The following CDC73 variants were observed in gnomAD, a reference collection of about 807,000 sequenced individuals.
CDC73 encodes parafibromin.
CDC73 carries 21 observed loss-of-function variants against 83.7 expected under a neutral mutation model. The observed-to-expected ratio is 0.25, with a 90% CI of 0.18 to 0.36. CDC73 has a LOEUF of 0.36. Among genes scored for constraint, CDC73 ranks in the 10% least tolerant of loss-of-function variants. The pLI is 1.00. For synonymous variants in CDC73, 224 were observed against 212.9 expected (o/e 1.05, Z -0.45); for missense variants, 342 against 653.3 (o/e 0.52, Z 5.19).
In CDC73 at chr1:193,253,424, G is replaced by A; in HGVS notation, c.*2712G>A. 1 of 232,326 alleles carries A rather than the reference G, an allele frequency of 4.3e-6. No individual in the cohort carries two copies. Among genetic ancestry groups the A allele is most frequent in the Non-Finnish European group, 8.5e-6 (1 of 117,544 alleles). The allele number at this position is 232,326 out of a possible 1,614,324, so 14.4% of individuals were successfully genotyped here. On this transcript the variant is annotated 3_prime_UTR_variant, in exon 17 of 17. Transcript: ENST00000367435. ...TTTTTGATTTTTTGTTGTTGTTGTT[G>A]TTTTGTGGCCACCCTTTGCACTAGA...
At chr1:193,179,162 G>A (rs903178686) in intron 10 of CDC73, 2 of 152,036 alleles carry the variant, frequency 1.3e-5, no homozygotes, top group Non-Finnish European at 2.9e-5. Context: ...TCCCAAAAAG[G>A]TTTTTAATTG....
At chr1:193,185,354 C>G (rs977096735) in intron 10 of CDC73, among the ~76,000 whole-genome samples, 11 of 151,942 alleles carry the variant, frequency 7.2e-5, no homozygotes, top group Non-Finnish European at 1.0e-4. Flanking sequence ...TAACACGAGG[C>G]TCTATTGTGG....
chr1:193,204,909 A>G (rs1026397629), intron 11 of CDC73, among the ~76,000 whole-genome samples: 2 of 152,202 alleles, frequency 1.3e-5, no homozygotes, highest in African/African-American at 2.4e-5. Flanking sequence ...TATAATTTTA[A>G]TAGAATCATA....
chr1:193,232,093 C>T (rs1396960912), intron 13 of CDC73, among the ~76,000 whole-genome samples: 1 of 152,050 alleles, frequency 6.6e-6, no homozygotes. Context: ...GAGAATGGAT[C>T]CACATAAGTA....
At chr1:193,155,803 T>G (rs555281564) in intron 10 of CDC73, among the ~76,000 whole-genome samples, 1 of 152,134 alleles carries the variant, frequency 6.6e-6, no homozygotes, top group South Asian at 2.1e-4. Flanking sequence ...CCCCACTAGA[T>G]TAAACAGATT....
chr1:193,192,114 T>C (rs751797396), intron 10 of CDC73, among the ~76,000 whole-genome samples: 2 of 152,206 alleles, frequency 1.3e-5, no homozygotes, highest in African/African-American at 4.8e-5. Flanking sequence ...TCAGAAAGTA[T>C]TTATTTTAAT....
At chr1:193,125,392 G>A (rs1055532827) in intron 2 of CDC73, among the ~76,000 whole-genome samples, 175 bp downstream of exon 2, 1 of 152,206 alleles carries the variant, frequency 6.6e-6, no homozygotes, top group East Asian at 1.9e-4. Context: ...CAAGTAGCCA[G>A]GACTGCAGGC....
intron 13 of CDC73, among the ~76,000 whole-genome samples, chr1:193,221,965 G>A (rs1234563676): frequency 4.6e-5 from 7 of 151,892 alleles, no homozygotes; most frequent in Admixed American, 1.3e-4. Flanking sequence ...CTTGCAAATA[G>A]CATAGATTCT....
At chr1:193,130,272 T>G (rs1232052394) in intron 3 of CDC73, 29 bp downstream of exon 3, 1 of 1,265,176 alleles carries the variant, frequency 7.9e-7, no homozygotes. Context: ...GTTCCCAGTC[T>G]TAAACAGACA....
chr1:193,238,482 G>C (rs1381344370), intron 15 of CDC73, among the ~76,000 whole-genome samples: 1 of 152,122 alleles, frequency 6.6e-6, no homozygotes, highest in Non-Finnish European at 1.5e-5. Flanking sequence ...TGATTCTGTT[G>C]ACTCCTTTAC....
chr1:193,132,732 G>A (rs1197561370), intron 3 of CDC73, among the ~76,000 whole-genome samples: 2 of 151,556 alleles, frequency 1.3e-5, no homozygotes, highest in African/African-American at 4.9e-5. Context: ...TTTGTTTTTG[G>A]CTTCAGAAGA....
At chr1:193,122,410 C>T (rs776626848) in intron 1 of CDC73, 79 bp downstream of exon 1, 10 of 1,572,288 alleles carry the variant, frequency 6.4e-6, no homozygotes, top group Non-Finnish European at 7.9e-6. Flanking sequence ...TTAACCCCTC[C>T]CCCCGTTTCC....
intron 13 of CDC73, among the ~76,000 whole-genome samples, chr1:193,231,149 ATATGAT>A (rs1677656262): frequency 6.6e-6 from 1 of 152,204 alleles, no homozygotes; most frequent in Non-Finnish European, 1.5e-5. Flanking sequence ...CATTCTAGTC[ATATGAT>A]TATAAGTAAT....
At chr1:193,241,668 G>A (rs887196148) in intron 15 of CDC73, among the ~76,000 whole-genome samples, 2 of 152,212 alleles carry the variant, frequency 1.3e-5, no homozygotes, top group African/African-American at 4.8e-5. Context: ...AACAGTTGTG[G>A]TGGTAGTGGC....
At chr1:193,224,563 A>G (rs1677531969) in intron 13 of CDC73, among the ~76,000 whole-genome samples, 1 of 152,174 alleles carries the variant, frequency 6.6e-6, no homozygotes, top group South Asian at 2.1e-4. Context: ...TGAAATATGC[A>G]TTCACATATA....
At position 193,253,059 on chromosome 1, in the gene CDC73, G is replaced by C; in HGVS notation, c.*2347G>C. The C allele has an allele frequency of 4.3e-6, 1 of 232,194 alleles. No homozygotes were observed. The highest frequency in any genetic ancestry group is 8.5e-6 in the Non-Finnish European group (1 of 117,394). The allele number at this position is 232,194 out of a possible 1,614,324, so 14.4% of individuals were successfully genotyped here. A position where few individuals can be genotyped will look rare whatever the true frequency, so the allele number is the denominator to read the frequency against. ...GTTACTGCTAACTGGAGATACCCTT[G>C]TATGCCCAACCTGTAAAGGAAAAAG... On this transcript the variant is annotated 3_prime_UTR_variant, in exon 17 of 17. Coordinates refer to ENST00000367435, the MANE Select transcript of CDC73 (RefSeq NM_024529.5).
At chr1:193,243,471 A>T (rs751738289) in intron 15 of CDC73, among the ~76,000 whole-genome samples, 8 of 152,198 alleles carry the variant, frequency 5.3e-5, no homozygotes, top group Admixed American at 2.0e-4. Context: ...GGAAAAATAA[A>T]TATCAATAAA....
At chr1:193,197,729 C>T (rs934527197) in intron 10 of CDC73, among the ~76,000 whole-genome samples, 11 of 151,806 alleles carry the variant, frequency 7.2e-5, no homozygotes, top group African/African-American at 2.7e-4. Flanking sequence ...AGTTCAAGAC[C>T]AGCCCGGCCA....
intron 10 of CDC73, among the ~76,000 whole-genome samples, chr1:193,192,665 A>C (rs145127452): frequency 1.4e-3 from 209 of 152,282 alleles, no homozygotes; most frequent in Non-Finnish European, 2.1e-3. Flanking sequence ...ACGATGGATG[A>C]ATAACGTACT....
Sources: allele counts gnomAD v4.1 joint callset (sites outside exome capture counted in the v4.1 genomes callset), GRCh38; gene constraint gnomAD v4.1.1; transcripts MANE v1.5; gene names NCBI Gene and HGNC (gene_info 2026-07-23, HGNC 2026-07-21).